The following MAST4 variants were observed in gnomAD, a reference collection of about 807,000 sequenced individuals.
The protein encoded by MAST4 is microtubule associated serine/threonine kinase family member 4, also known as microtubule-associated serine/threonine-protein kinase 4.
In MAST4, 89 loss-of-function variants were observed where a neutral mutation model predicts 162.7. That is an observed-to-expected ratio of 0.55 (90% CI 0.46 to 0.65). The LOEUF is 0.65. MAST4 is among the 30% of genes least tolerant of loss of function. The pLI is 0.00. For missense variants in MAST4, 3,153 were observed against 3,374.0 expected, an observed-to-expected ratio of 0.93 and a Z score of 1.62; for synonymous variants, 1,479 against 1,361.1, an observed-to-expected ratio of 1.09 and a Z score of -1.91.
chr5:66,948,402 C>A (rs1744279310), intron 4 of MAST4, among the ~76,000 whole-genome samples: 1 of 152,120 alleles, frequency 6.6e-6, no homozygotes. Flanking sequence ...TAGCTCTCTG[C>A]TTGTTTGGTT....
At position 67,163,291 on chromosome 5, in the gene MAST4, C is replaced by T. The variant is rs1157683635; in HGVS notation, c.4112C>T (p.Ala1371Val). 1 of 1,613,270 alleles carries T rather than the reference C, an allele frequency of 6.2e-7. No homozygotes were observed. The highest frequency in any genetic ancestry group is 2.2e-5 in the East Asian group (1 of 44,852). ...QRYRSGRRKS[A>V]GNIPLSPLAR... Reference sequence around the variant, plus strand: ...TACCGGTCCGGAAGGCGAAAGTCCGCCGGCAACATCCCACTGTCCCCGCTG... The same window carrying T: ...TACCGGTCCGGAAGGCGAAAGTCCGTCGGCAACATCCCACTGTCCCCGCTG... The change falls in exon 29 of 29, where the codon GCC (alanine) becomes GTC (valine). Residue 1371 changes from alanine (A) to valine (V), a missense_variant. By Grantham distance (64) the Ala-to-Val change is moderately conservative. Transcript: ENST00000403625. This position sits in a 1 kb window ranked among gnomAD's most constrained non-coding sequence, Gnocchi z 7.0.
chr5:66,875,684 A>G (rs753755716), intron 3 of MAST4, among the ~76,000 whole-genome samples: 2 of 152,252 alleles, frequency 1.3e-5, no homozygotes, highest in Non-Finnish European at 2.9e-5. Flanking sequence ...ATTTGTAAAT[A>G]AGCAGTTAGT....
At chr5:67,078,910 A>AAATAAATATATAT (rs1491289898) in intron 5 of MAST4, among the ~76,000 whole-genome samples, 1 of 22,124 alleles carries the variant, frequency 4.5e-5, no homozygotes, top group South Asian at 1.7e-3. Context: ...ATTTTTATAT[A>AAATAAATATATAT]AATATATATA....
intron 4 of MAST4, among the ~76,000 whole-genome samples, chr5:66,989,792 AC>A (rs1749880924): frequency 6.6e-6 from 1 of 152,180 alleles, no homozygotes; most frequent in Admixed American, 6.5e-5. Context: ...ATATAAAGGA[AC>A]TTTAAAACTA....
chr5:67,033,247 T>TA lies in MAST4; in HGVS notation c.675-21153dup, dbSNP rs542993294. Among the ~76,000 whole-genome samples, 70 of 151,020 alleles carry TA rather than the reference T, an allele frequency of 4.6e-4. No homozygotes were observed. In the South Asian group the frequency reaches 0.014, roughly 31 times the overall value. On this transcript the variant is annotated intron_variant, in intron 4 of 28. Transcript: ENST00000403625. The stretch of plus-strand genomic sequence containing the variant: ...TTTAAAAAGTGGCAGCTATTAACAT[T>TA]AAAATAACAGTGAAATTTTTCTCTC...
At position 67,152,884 on chromosome 5, in the gene MAST4, C is replaced by T. The variant is rs758088786; in HGVS notation, c.3525+18C>T. On this transcript the variant is annotated intron_variant, in intron 25 of 28. Coordinates refer to ENST00000403625, the MANE Select transcript of MAST4 (RefSeq NM_001164664.2). ...TCGTCTGGGTAAGACCTGCATGTCTCGCACTTGGGATTTTTCATTTCCAGC... is the reference window on the plus strand; with the variant it reads ...TCGTCTGGGTAAGACCTGCATGTCTTGCACTTGGGATTTTTCATTTCCAGC... 3.5e-5 allele frequency: 56 copies of T among 1,589,186 alleles called. No homozygotes were observed. The highest frequency in any genetic ancestry group is 4.6e-5 in the Non-Finnish European group (53 of 1,159,396).
At chr5:66,979,880 C>T (rs797000463) in intron 4 of MAST4, among the ~76,000 whole-genome samples, 12 of 152,336 alleles carry the variant, frequency 7.9e-5, no homozygotes, top group African/African-American at 2.9e-4. Context: ...ACATTTAACT[C>T]AGAACTGTCT....
At chr5:66,883,746 G>A (rs1203223623) in intron 3 of MAST4, among the ~76,000 whole-genome samples, 1 of 152,024 alleles carries the variant, frequency 6.6e-6, no homozygotes, top group Non-Finnish European at 1.5e-5. Flanking sequence ...ACATGGACAT[G>A]GTAACACTCC....
At chr5:66,735,136 A>G (rs1383665484) in intron 1 of MAST4, among the ~76,000 whole-genome samples, 1 of 152,248 alleles carries the variant, frequency 6.6e-6, no homozygotes, top group Non-Finnish European at 1.5e-5. Flanking sequence ...AAAAAGGGAA[A>G]CATACAGGTG....
intron 3 of MAST4, among the ~76,000 whole-genome samples, chr5:66,892,930 A>T (rs1044303124): frequency 1.3e-5 from 2 of 152,202 alleles, no homozygotes; most frequent in Non-Finnish European, 2.9e-5. Flanking sequence ...GCAGTTTATG[A>T]TAAAATCTTA....
chr5:66,846,184 A>C (rs1435656393), intron 3 of MAST4, among the ~76,000 whole-genome samples: 3 of 152,166 alleles, frequency 2.0e-5, no homozygotes, highest in African/African-American at 7.2e-5. Context: ...TAATGGTCTT[A>C]CCCTTTTTTG....
intron 3 of MAST4, among the ~76,000 whole-genome samples, chr5:66,850,806 G>C (rs778270431): frequency 1.3e-5 from 2 of 151,944 alleles, no homozygotes; most frequent in African/African-American, 2.4e-5. Context: ...TTAAAAAAAG[G>C]AACTGGTTCT....
chr5:66,869,068 A>C (rs1253347176), intron 3 of MAST4, among the ~76,000 whole-genome samples: 1 of 152,214 alleles, frequency 6.6e-6, no homozygotes, highest in East Asian at 1.9e-4. Context: ...CCCGATGAGT[A>C]GGAGCCTGGC....
intron 3 of MAST4, among the ~76,000 whole-genome samples, chr5:66,809,467 C>A (rs1417502861): frequency 1.3e-5 from 2 of 152,166 alleles, no homozygotes; most frequent in Non-Finnish European, 2.9e-5. Context: ...ATCCTGTTGT[C>A]GTGTTCCTTC....
intron 2 of MAST4, among the ~76,000 whole-genome samples, chr5:66,781,744 T>C (rs574185192): frequency 2.0e-5 from 3 of 152,306 alleles, no homozygotes; most frequent in South Asian, 2.1e-4. Context: ...ATCCTGCTTA[T>C]AGTCCAAGAA....
At chr5:66,700,952 ATTAT>A (rs1274378182) in intron 1 of MAST4, among the ~76,000 whole-genome samples, 1 of 79,264 alleles carries the variant, frequency 1.3e-5, no homozygotes, top group Non-Finnish European at 2.3e-5. Context: ...CATCTTGGGA[ATTAT>A]TTAAGACTGT....
chr5:66,945,565 A>C (rs2150115365), intron 4 of MAST4, among the ~76,000 whole-genome samples: 1 of 152,156 alleles, frequency 6.6e-6, no homozygotes, highest in South Asian at 2.1e-4. Context: ...CAGAGATGAA[A>C]GTAAACTATG....
chr5:66,778,437 A>G (rs1754703025), intron 2 of MAST4, among the ~76,000 whole-genome samples: 1 of 152,194 alleles, frequency 6.6e-6, no homozygotes, highest in Non-Finnish European at 1.5e-5. Context: ...GTAATAATAG[A>G]AACATTACAG....
chr5:66,943,656 T>G (rs1743623391), intron 4 of MAST4, among the ~76,000 whole-genome samples: 1 of 152,128 alleles, frequency 6.6e-6, no homozygotes, highest in Non-Finnish European at 1.5e-5. Context: ...TAATAGTACT[T>G]AAAACTTTTT....
Sources: gnomAD v4.1 joint callset for allele counts (sites outside exome capture counted in the v4.1 genomes callset) on GRCh38, gnomAD v4.1.1 for gene constraint, Gnocchi (gnomAD v3.1) non-coding constraint, MANE v1.5 for transcripts, NCBI Gene and HGNC (gene_info 2026-07-23, HGNC 2026-07-21) for gene names.